The following OPCML variants were observed in gnomAD, a reference collection of about 807,000 sequenced individuals.
OPCML encodes the protein opioid-binding protein/cell adhesion molecule.
In OPCML, 13 loss-of-function variants were observed where a neutral mutation model predicts 37.8. That is an observed-to-expected ratio of 0.34 (90% confidence interval 0.22 to 0.55). The LOEUF is 0.55. Ranked by LOEUF, OPCML falls within the 20% of genes least tolerant of loss-of-function variation. The probability of loss-of-function intolerance (pLI) is 0.91; values close to 1 mark genes in which losing one functional copy is unlikely to be tolerated. For synonymous variants in OPCML, 176 were observed against 168.8 expected (o/e 1.04, Z -0.33); for missense variants, 341 against 435.6 (o/e 0.78, Z 1.93).
chr11:132,989,757 A>G (rs905650361), intron 1 of OPCML, among the ~76,000 whole-genome samples: 3 of 152,182 alleles, frequency 2.0e-5, no homozygotes, highest in African/African-American at 7.2e-5. Flanking sequence ...GCCACTGGTT[A>G]TAAATAATAC....
At chr11:133,509,211 C>G (rs1448174289) in intron 1 of OPCML, among the ~76,000 whole-genome samples, 1 of 152,148 alleles carries the variant, frequency 6.6e-6, no homozygotes, top group African/African-American at 2.4e-5. Context: ...TATCCTGATG[C>G]TCTCCCTCAA....
At chr11:132,451,717 T>C (rs1162143111) in intron 4 of OPCML, among the ~76,000 whole-genome samples, 3 of 152,178 alleles carry the variant, frequency 2.0e-5, no homozygotes, top group African/African-American at 7.2e-5. Context: ...GAGTGCCTCC[T>C]ACTGGGTGGA....
At chr11:133,364,055 T>C (rs1279487244) in intron 1 of OPCML, among the ~76,000 whole-genome samples, 1 of 152,150 alleles carries the variant, frequency 6.6e-6, no homozygotes, top group Non-Finnish European at 1.5e-5. Flanking sequence ...GACTAGTCAG[T>C]GGTTATCATG....
chr11:133,328,276 G>C (rs1393336845), intron 1 of OPCML, among the ~76,000 whole-genome samples: 1 of 151,372 alleles, frequency 6.6e-6, no homozygotes, highest in East Asian at 2.0e-4. Flanking sequence ...TCCTGCCTCA[G>C]CCTCCCAAGT....
At chr11:132,577,734 G>T (rs1030427853) in intron 3 of OPCML, among the ~76,000 whole-genome samples, 4 of 152,172 alleles carry the variant, frequency 2.6e-5, no homozygotes, top group Non-Finnish European at 4.4e-5. Context: ...CTGCTTTTCA[G>T]ACTGTAATTA....
chr11:133,314,170 G>T (rs976316175), intron 1 of OPCML, among the ~76,000 whole-genome samples: 1 of 145,146 alleles, frequency 6.9e-6, no homozygotes, highest in Non-Finnish European at 1.5e-5. Context: ...AGGAGTCGGA[G>T]CTTGCAGTGA....
chr11:132,946,529 T>A (rs1010175669), intron 1 of OPCML, among the ~76,000 whole-genome samples: 2 of 152,222 alleles, frequency 1.3e-5, no homozygotes, highest in South Asian at 4.1e-4. Context: ...TTAAGATGGC[T>A]ACAGTGTCAC....
chr11:133,399,235 G>A (rs1945349743), intron 1 of OPCML, among the ~76,000 whole-genome samples: 1 of 152,120 alleles, frequency 6.6e-6, no homozygotes, highest in Non-Finnish European at 1.5e-5. Flanking sequence ...TTTTTTGGCA[G>A]GGACTAGCTC....
chr11:132,784,735 C>T (rs951731069), intron 2 of OPCML, among the ~76,000 whole-genome samples: 43 of 152,146 alleles, frequency 2.8e-4, no homozygotes, highest in Admixed American at 2.8e-3. Flanking sequence ...TATTAGACCT[C>T]ACATGAGATC....
intron 2 of OPCML, among the ~76,000 whole-genome samples, chr11:132,871,222 A>C (rs1311569129): frequency 6.6e-6 from 1 of 151,944 alleles, no homozygotes; most frequent in Non-Finnish European, 1.5e-5. Flanking sequence ...TTAAAAAAAA[A>C]AAAAAGACAG....
At chr11:133,136,804 A>G (rs1323403968) in intron 1 of OPCML, among the ~76,000 whole-genome samples, 1 of 150,470 alleles carries the variant, frequency 6.6e-6, no homozygotes, top group African/African-American at 2.5e-5. Flanking sequence ...AGTTAAGGAA[A>G]TACCACTGCA....
At chr11:132,607,012 T>C (rs1277288338) in intron 3 of OPCML, among the ~76,000 whole-genome samples, 3 of 152,178 alleles carry the variant, frequency 2.0e-5, no homozygotes, top group Non-Finnish European at 4.4e-5. Flanking sequence ...AAAAGGGTTA[T>C]ATTTTGGCTT....
At chr11:133,156,247 G>A (rs1179420665) in intron 1 of OPCML, among the ~76,000 whole-genome samples, 1 of 152,066 alleles carries the variant, frequency 6.6e-6, no homozygotes, top group African/African-American at 2.4e-5. Flanking sequence ...ACTGCCCCCT[G>A]CTTACTCAAC....
At chr11:133,204,850 TTATATA>T (rs1250610293) in intron 1 of OPCML, among the ~76,000 whole-genome samples, 1 of 123,622 alleles carries the variant, frequency 8.1e-6, no homozygotes, top group Admixed American at 9.1e-5. Context: ...TTGTGATCTA[TTATATA>T]TATATATATG....
At chr11:132,775,219 A>T (rs1946772059) in intron 2 of OPCML, among the ~76,000 whole-genome samples, 1 of 152,222 alleles carries the variant, frequency 6.6e-6, no homozygotes, top group South Asian at 2.1e-4. Context: ...TAGCTGGAGC[A>T]TAAGAGTTAA....
chr11:132,705,658 C>T (rs150708494), intron 2 of OPCML, among the ~76,000 whole-genome samples: 133 of 152,190 alleles, frequency 8.7e-4, no homozygotes, highest in Middle Eastern at 3.4e-3. Flanking sequence ...CTGCTTTTGC[C>T]GTGTGACATG....
intron 1 of OPCML, among the ~76,000 whole-genome samples, chr11:133,442,726 C>CATGTGTGT (rs755591526): frequency 2.8e-5 from 4 of 141,350 alleles, no homozygotes; most frequent in Non-Finnish European, 6.2e-5. Context: ...CATATTTAAA[C>CATGTGTGT]GTGTGTGTGT....
intron 1 of OPCML, among the ~76,000 whole-genome samples, chr11:133,114,670 A>G (rs555919337): frequency 1.3e-5 from 2 of 152,216 alleles, no homozygotes; most frequent in South Asian, 4.1e-4. Context: ...AAGGCATAAG[A>G]TCCAGAAAGA....
In OPCML at chr11:132,416,239, A is replaced by T. The variant is rs972369281; in HGVS notation, c.*3954T>A. The T allele has an allele frequency of 6.6e-6, 1 of 152,170 alleles. No individual in the cohort carries two copies. The highest frequency in any genetic ancestry group is 1.5e-5 in the Non-Finnish European group (1 of 68,018). 9.4% of individuals were successfully genotyped at this position (152,170 alleles called of 1,614,324 possible). ...TTTGGACTGGTTTTAGGTAATGCAT[A>T]GCCAGTTTTTCTTTCTCAAGATCAA... On this transcript the variant is annotated 3_prime_UTR_variant, in exon 8 of 8. Transcript: ENST00000524381.
Sources: gnomAD v4.1 joint callset for allele counts (sites outside exome capture counted in the v4.1 genomes callset) on GRCh38, gnomAD v4.1.1 for gene constraint, MANE v1.5 for transcripts, NCBI Gene and HGNC (gene_info 2026-07-23, HGNC 2026-07-21) for gene names.